Variants in SASH1 observed in about 807,000 individuals in gnomAD.
The protein encoded by SASH1 is SAM and SH3 domain containing 1.
Under a neutral mutation model 125.2 loss-of-function variants are expected in SASH1, and 44 were observed. That is an observed-to-expected ratio of 0.35 (90% CI 0.28 to 0.45). The LOEUF (loss-of-function observed/expected upper bound fraction) is 0.45. Among genes scored for constraint, SASH1 ranks in the 20% least tolerant of loss-of-function variants. SASH1 has a pLI of 1.00. For synonymous variants in SASH1, 639 were observed against 649.1 expected, an observed-to-expected ratio of 0.98 and a Z score of 0.24; for missense variants, 1,426 against 1,614.5, an observed-to-expected ratio of 0.88 and a Z score of 2.00.
the SASH1 span, among the ~76,000 whole-genome samples, chr6:148,229,359 A>G: frequency 6.6e-6 from 1 of 152,134 alleles, no homozygotes; most frequent in Non-Finnish European, 1.5e-5. Context: ...GCTGATGCAA[A>G]CTGTATTCAT....
chr6:148,403,866 T>G (rs12523661), intron 2 of SASH1, among the ~76,000 whole-genome samples: 4,816 of 152,354 alleles, frequency 0.032, 113 homozygotes, highest in Middle Eastern at 0.051. Context: ...GTGTTTTAAT[T>G]GGGATATGAT....
In SASH1 at chr6:148,430,591, C is replaced by T. The variant is rs531704438; in HGVS notation, c.286-9593C>T. 4.6e-5 allele frequency among the ~76,000 whole-genome samples: 7 copies of T among 152,346 alleles called. No individual in the cohort carries two copies. The East Asian group carries it at 1.2e-3, about 25-fold the overall frequency. On this transcript the variant is annotated intron_variant, in intron 2 of 19. Coordinates refer to ENST00000367467, the MANE Select transcript of SASH1 (RefSeq NM_015278.5). ...AAGCGATCCACCCGCCTTGGCCTCCCAGAGTGTTAGGATTACAGGCTTGAG... is the reference window on the plus strand; with the variant it reads ...AAGCGATCCACCCGCCTTGGCCTCCTAGAGTGTTAGGATTACAGGCTTGAG...
At chr6:148,311,073 C>G (rs1347142324) in intron 1 of SASH1, among the ~76,000 whole-genome samples, 1 of 151,834 alleles carries the variant, frequency 6.6e-6, no homozygotes, top group Non-Finnish European at 1.5e-5. Flanking sequence ...ACCACCACAC[C>G]TAAGCTTCTT....
chr6:148,355,063 T>C (rs1483263909), intron 1 of SASH1, among the ~76,000 whole-genome samples: 1 of 152,184 alleles, frequency 6.6e-6, no homozygotes, highest in Non-Finnish European at 1.5e-5. Context: ...CCGGCCAAAC[T>C]TGCCACTTAC....
Position 148,519,918 on chromosome 6 carries a change from T to C in SASH1, c.1209+25T>C. 1 of 1,488,148 alleles carries C rather than the reference T, an allele frequency of 6.7e-7. No homozygotes were observed. The highest frequency in any genetic ancestry group is 9.0e-7 in the Non-Finnish European group (1 of 1,107,088). The allele number at this position is 1,488,148 out of a possible 1,614,324, so 92.2% of individuals were successfully genotyped here. A position where few individuals can be genotyped will look rare whatever the true frequency, so the allele number is the denominator to read the frequency against. On this transcript the variant is annotated intron_variant, in intron 10 of 19. Transcript: ENST00000367467. The surrounding 1 kb of genome is among the most constrained non-coding windows in gnomAD (Gnocchi z 4.8). ...GGTAAGTACGGATGGTGTTTGCTTCTATGACAACCACCGTCGCAGGCACCA... is the reference window on the plus strand; with the variant it reads ...GGTAAGTACGGATGGTGTTTGCTTCCATGACAACCACCGTCGCAGGCACCA...
the SASH1 span, among the ~76,000 whole-genome samples, chr6:148,197,705 A>G: frequency 6.6e-6 from 1 of 152,114 alleles, no homozygotes; most frequent in Non-Finnish European, 1.5e-5. Context: ...ACTGACCAAT[A>G]TGGTTTGGCT....
chr6:148,478,151 A>G (rs1402938590), intron 7 of SASH1, among the ~76,000 whole-genome samples: 1 of 152,154 alleles, frequency 6.6e-6, no homozygotes, highest in African/African-American at 2.4e-5. Context: ...AAATAGAACT[A>G]CCATATGATG....
chr6:148,387,237 G>T (rs1030465379), intron 1 of SASH1, among the ~76,000 whole-genome samples: 3 of 150,732 alleles, frequency 2.0e-5, no homozygotes, highest in South Asian at 2.1e-4. Context: ...CCTGCCTCAG[G>T]CTCCAAAGTA....
chr6:148,519,643 C>G lies in SASH1; in HGVS notation c.959C>G (p.Ser320Cys). The G allele has an allele frequency of 6.2e-7, 1 of 1,614,144 alleles. No homozygotes were observed. Among genetic ancestry groups the G allele is most frequent in the South Asian group, 1.1e-5 (1 of 91,078 alleles). The part of the protein sequence containing the change: ...VHKKPLFFDG[S>C]PEKPPEDDSD... ...AAGAAGCCCCTTTTCTTTGATGGCT[C>G]TCCTGAGAAACCTCCCGAAGATGAC... Residue 320 changes from serine to cysteine, a missense_variant, in exon 10 of 20, where the codon TCT becomes TGT. Ser to Cys is a moderately radical substitution (Grantham distance 112). Coordinates refer to ENST00000367467, the MANE Select transcript of SASH1 (RefSeq NM_015278.5). The surrounding 1 kb of genome is among the most constrained non-coding windows in gnomAD (Gnocchi z 4.8).
rs753969405 is a variant in SASH1 at position 148,544,717 on chromosome 6, A to G, written c.3247A>G (p.Arg1083Gly). ...TGTGAAGCTGGGCCCGGCTTTGACCAGGAAGGTCTCCTGTGCCCGGGGAGT... is the reference window on the plus strand; with the variant it reads ...TGTGAAGCTGGGCCCGGCTTTGACCGGGAAGGTCTCCTGTGCCCGGGGAGT... ...HGVKLGPALT[R>G]KVSCARGVDL... Residue 1083 changes from arginine to glycine, a missense_variant, in exon 18 of 20, where the codon AGG becomes GGG. Coordinates refer to ENST00000367467, the MANE Select transcript of SASH1 (RefSeq NM_015278.5). The surrounding 1 kb of genome is among the most constrained non-coding windows in gnomAD (Gnocchi z 6.4). 4 of 1,610,934 alleles carry G rather than the reference A, an allele frequency of 2.5e-6. No individual in the cohort carries two copies. The South Asian group carries it at 4.4e-5, about 18-fold the overall frequency.
intron 17 of SASH1, among the ~76,000 whole-genome samples, chr6:148,540,834 G>T (rs963649369): frequency 6.6e-6 from 1 of 152,140 alleles, no homozygotes; most frequent in Non-Finnish European, 1.5e-5. Context: ...ACATTGGAGT[G>T]TTGGGAGCTA....
intron 1 of SASH1, among the ~76,000 whole-genome samples, chr6:148,351,489 C>A (rs1014883776): frequency 6.6e-6 from 1 of 151,904 alleles, no homozygotes; most frequent in Admixed American, 6.6e-5. Context: ...CATGTGTCCA[C>A]CCATCACTCT....
chr6:148,337,293 G>A (rs1403031342), intron 1 of SASH1, among the ~76,000 whole-genome samples: 3 of 148,746 alleles, frequency 2.0e-5, no homozygotes, highest in East Asian at 2.0e-4. Flanking sequence ...ACGCAATCTC[G>A]GCTCACTGCA....
chr6:148,397,867 T>C (rs1784020774), intron 2 of SASH1, among the ~76,000 whole-genome samples: 1 of 152,182 alleles, frequency 6.6e-6, no homozygotes, highest in African/African-American at 2.4e-5. Context: ...ACAGACAAAA[T>C]ATGTATTCCC....
At chr6:148,481,887 A>G (rs761178573) in intron 7 of SASH1, among the ~76,000 whole-genome samples, 7 of 152,054 alleles carry the variant, frequency 4.6e-5, no homozygotes, top group Non-Finnish European at 8.8e-5. Flanking sequence ...GCACTGATAA[A>G]CTCGTTCGAT....
chr6:148,235,313 A>G, the SASH1 span, among the ~76,000 whole-genome samples: 1 of 152,204 alleles, frequency 6.6e-6, no homozygotes, highest in Non-Finnish European at 1.5e-5. Flanking sequence ...ATCTCCTCAA[A>G]TGTATTTAAC....
chr6:148,465,845 C>T (rs184475757), intron 4 of SASH1, among the ~76,000 whole-genome samples: 3 of 152,312 alleles, frequency 2.0e-5, no homozygotes, highest in African/African-American at 7.2e-5. Context: ...GCTCCCACTT[C>T]TCCCGTGGCC....
intron 1 of SASH1, among the ~76,000 whole-genome samples, chr6:148,301,377 T>C (rs1022806273): frequency 6.7e-5 from 10 of 149,278 alleles, no homozygotes; most frequent in Admixed American, 2.0e-4. Context: ...GTGATTCTCC[T>C]GCCTCTGCTT....
Position 148,366,745 on chromosome 6 carries a change from G to A in SASH1, c.157-23389G>A, listed in dbSNP as rs531967928. Among the ~76,000 whole-genome samples, 6 of 151,372 alleles carry A rather than the reference G, an allele frequency of 4.0e-5. No individual in the cohort carries two copies. In the South Asian group the frequency reaches 1.0e-3, roughly 26 times the overall value. ...CCTGAGTAGCTGGGATTACAGGTAC[G>A]GGCCACCAAGCCCGCGTAATTTTTG... On this transcript the variant is annotated intron_variant, in intron 1 of 19. Coordinates refer to ENST00000367467, the MANE Select transcript of SASH1 (RefSeq NM_015278.5).
Sources: gnomAD v4.1 joint callset for allele counts (sites outside exome capture counted in the v4.1 genomes callset) on GRCh38, gnomAD v4.1.1 for gene constraint, Gnocchi (gnomAD v3.1) non-coding constraint, MANE v1.5 for transcripts, NCBI Gene and HGNC (gene_info 2026-07-23, HGNC 2026-07-21) for gene names.